PLSCR2: variants seen among roughly 807,000 people sequenced by gnomAD.
PLSCR2 encodes PL scramblase 2.
PLSCR2 carries 18 observed loss-of-function variants against 25.3 expected under a neutral mutation model. That is an observed-to-expected ratio of 0.71 (90% confidence interval 0.49 to 1.06). The LOEUF is 1.06. Ranked by LOEUF, PLSCR2 falls within the 50% of genes least tolerant of loss-of-function variation. The pLI is 0.00. For synonymous variants in PLSCR2, 88 were observed against 87.3 expected (o/e 1.01, Z -0.04); for missense variants, 243 against 269.5 (o/e 0.90, Z 0.69).
intron 1 of PLSCR2, among the ~76,000 whole-genome samples, chr3:146,490,032 T>C (rs573410168): frequency 6.6e-6 from 1 of 152,018 alleles, no homozygotes; most frequent in Non-Finnish European, 1.5e-5. Flanking sequence ...AAAAATCTCA[T>C]CATAAAAGTC....
intron 1 of PLSCR2, among the ~76,000 whole-genome samples, chr3:146,489,498 A>T (rs891110713): frequency 6.6e-6 from 1 of 152,050 alleles, no homozygotes; most frequent in Admixed American, 6.6e-5. Flanking sequence ...AGGTCCAATC[A>T]TGTTCTGTTC....
upstream of PLSCR2, among the ~76,000 whole-genome samples, chr3:146,464,306 T>C (rs73865731): frequency 0.028 from 4,248 of 152,262 alleles, 221 homozygotes; most frequent in African/African-American, 0.096. Flanking sequence ...CAAAATTGCA[T>C]GAGCCAATTT....
intron 2 of PLSCR2, among the ~76,000 whole-genome samples, chr3:146,406,982 C>T (rs947962048): frequency 1.3e-5 from 2 of 152,110 alleles, no homozygotes; most frequent in Admixed American, 6.5e-5. Context: ...GCTAATTGGG[C>T]ATCTCTTAGC....
At chr3:146,443,695 T>G (rs2040381780) in intron 6 of PLSCR2, among the ~76,000 whole-genome samples, 1 of 151,992 alleles carries the variant, frequency 6.6e-6, no homozygotes, top group Non-Finnish European at 1.5e-5. Flanking sequence ...TTGGCTTATC[T>G]TTCCAAAAAA....
At chr3:146,465,959 G>T (rs145040638) in intron 1 of PLSCR2, among the ~76,000 whole-genome samples, 149 of 152,312 alleles carry the variant, frequency 9.8e-4, no homozygotes, top group African/African-American at 3.5e-3. Flanking sequence ...ACACATGTGT[G>T]GGGCAAGAAG....
At chr3:146,479,876 A>G (rs2043067956) in intron 1 of PLSCR2, among the ~76,000 whole-genome samples, 1 of 152,218 alleles carries the variant, frequency 6.6e-6, no homozygotes, top group Non-Finnish European at 1.5e-5. Context: ...GAGAAATAAC[A>G]ACCAACTGTC....
At chr3:146,488,961 T>C (rs1453002647) in intron 1 of PLSCR2, among the ~76,000 whole-genome samples, 1 of 152,122 alleles carries the variant, frequency 6.6e-6, no homozygotes, top group Non-Finnish European at 1.5e-5. Context: ...ATATGGTATA[T>C]ATACACCATG....
chr3:146,461,811 T>C (rs759304125), upstream of PLSCR2: 1 of 818,654 alleles, frequency 1.2e-6, no homozygotes, highest in South Asian at 1.4e-5. Flanking sequence ...TTGGATTTTA[T>C]CCCAGGTGTC....
At chr3:146,457,167 T>G (rs916509060) in intron 3 of PLSCR2, among the ~76,000 whole-genome samples, 2 of 152,220 alleles carry the variant, frequency 1.3e-5, no homozygotes, top group Non-Finnish European at 2.9e-5. Context: ...TTAATGAAAT[T>G]CATTACTCTG....
chr3:146,445,828 A>C (rs750472174), intron 6 of PLSCR2, among the ~76,000 whole-genome samples: 1 of 151,766 alleles, frequency 6.6e-6, no homozygotes, highest in African/African-American at 2.4e-5. Context: ...GGCAAGCTTC[A>C]TTGTTTTTTA....
chr3:146,442,269 G>C (rs1247972700), intron 6 of PLSCR2, among the ~76,000 whole-genome samples: 1 of 151,912 alleles, frequency 6.6e-6, no homozygotes, highest in Non-Finnish European at 1.5e-5. Context: ...TAACCAAAAA[G>C]GCAAACATTC....
At chr3:146,424,199 A>G (rs1288139683) in intron 2 of PLSCR2, among the ~76,000 whole-genome samples, 1 of 151,592 alleles carries the variant, frequency 6.6e-6, no homozygotes, top group African/African-American at 2.4e-5. Flanking sequence ...CTTGATTTAT[A>G]CATGGCCACC....
At chr3:146,399,408 T>A (rs2038383852) in intron 2 of PLSCR2, among the ~76,000 whole-genome samples, 1 of 151,842 alleles carries the variant, frequency 6.6e-6, no homozygotes, top group Non-Finnish European at 1.5e-5. Flanking sequence ...TGTTATGTGT[T>A]TAAAAAGTAG....
At chr3:146,449,362 T>A in exon 6 of PLSCR2, 1 of 1,566,932 alleles carries the variant, frequency 6.4e-7, no homozygotes, top group Admixed American at 2.1e-5. Context: ...CATCAAGAGA[T>A]GTAATCTAAA....
intron 1 of PLSCR2, among the ~76,000 whole-genome samples, chr3:146,485,914 C>T (rs1252279946): frequency 1.3e-5 from 2 of 151,946 alleles, no homozygotes; most frequent in African/African-American, 4.8e-5. Flanking sequence ...TTTTTAAAAC[C>T]ATCAGATCTT....
At chr3:146,463,548 C>T (rs985298434), upstream of PLSCR2, among the ~76,000 whole-genome samples, 1 of 152,190 alleles carries the variant, frequency 6.6e-6, no homozygotes, top group Non-Finnish European at 1.5e-5. Context: ...TAGTCTTTCC[C>T]ACTGCTATCC....
At chr3:146,478,210 A>G (rs1274912230) in intron 1 of PLSCR2, among the ~76,000 whole-genome samples, 1 of 152,234 alleles carries the variant, frequency 6.6e-6, no homozygotes, top group East Asian at 1.9e-4. Flanking sequence ...GCTCACCAGC[A>G]ATGGAACAAA....
At chr3:146,478,206 C>T (rs1322093963) in intron 1 of PLSCR2, among the ~76,000 whole-genome samples, 7 of 152,166 alleles carry the variant, frequency 4.6e-5, no homozygotes, top group Admixed American at 6.5e-5. Context: ...AACTGCTCAC[C>T]AGCAATGGAA....
chr3:146,471,501 T>G (rs1259410490), intron 1 of PLSCR2, among the ~76,000 whole-genome samples: 1 of 152,138 alleles, frequency 6.6e-6, no homozygotes, highest in African/African-American at 2.4e-5. Flanking sequence ...ATTGGGATTT[T>G]TTTCCCTCTT....
Sources: allele counts gnomAD v4.1 joint callset (sites outside exome capture counted in the v4.1 genomes callset), GRCh38; gene constraint gnomAD v4.1.1; transcripts MANE v1.5; gene names NCBI Gene and HGNC (gene_info 2026-07-23, HGNC 2026-07-21).